The following CTTNBP2 variants were observed in gnomAD, a reference collection of about 807,000 sequenced individuals.
CTTNBP2 encodes the protein cortactin binding protein 2.
CTTNBP2 carries 108 observed loss-of-function variants against 156.9 expected under a neutral mutation model. The observed-to-expected ratio is 0.69, with a 90% CI of 0.59 to 0.81. The LOEUF is 0.81. Ranked by LOEUF, CTTNBP2 falls within the 30% of genes least tolerant of loss-of-function variation. The probability of loss-of-function intolerance (pLI) is 0.00; values close to 1 mark genes in which losing one functional copy is unlikely to be tolerated. For synonymous variants in CTTNBP2, 767 were observed against 751.8 expected, an observed-to-expected ratio of 1.02 and a Z score of -0.33; for missense variants, 1,924 against 2,035.4, an observed-to-expected ratio of 0.95 and a Z score of 1.05.
In CTTNBP2 at chr7:117,821,325, G is replaced by T. The variant is rs571026718; in HGVS notation, c.190-10336C>A. On this transcript the variant is annotated intron_variant, in intron 2 of 22. Transcript: ENST00000160373. Reference sequence around the variant, plus strand: ...TGCATCCCTCAATTATGTTGGCTGTGTGGTTTTTTTTTTGTTGTTGTTTTT... The same window carrying T: ...TGCATCCCTCAATTATGTTGGCTGTTTGGTTTTTTTTTTGTTGTTGTTTTT... 1.5e-4 allele frequency among the ~76,000 whole-genome samples: 22 copies of T among 150,738 alleles called. No individual in the cohort carries two copies. The East Asian group carries it at 3.1e-3, about 21-fold the overall frequency.
At chr7:117,796,549 G>T (rs1309704478) in intron 3 of CTTNBP2, among the ~76,000 whole-genome samples, 1 of 152,168 alleles carries the variant, frequency 6.6e-6, no homozygotes, top group Non-Finnish European at 1.5e-5. Context: ...TGTGACCTTT[G>T]TAAGTTCTCT....
intron 14 of CTTNBP2, among the ~76,000 whole-genome samples, chr7:117,736,117 C>G (rs1201423992): frequency 6.6e-6 from 1 of 152,100 alleles, no homozygotes; most frequent in Admixed American, 6.5e-5. Flanking sequence ...GTTAAAAGCC[C>G]TTAAATGACC....
intron 3 of CTTNBP2, among the ~76,000 whole-genome samples, chr7:117,798,784 T>C (rs1584442576): frequency 6.6e-6 from 1 of 152,006 alleles, no homozygotes; most frequent in East Asian, 1.9e-4. Context: ...CCAAAAATTG[T>C]ATCTAAAAGA....
chr7:117,777,414 C>G (rs971940391), intron 8 of CTTNBP2, 97 bp downstream of exon 8: 7 of 1,219,958 alleles, frequency 5.7e-6, no homozygotes, highest in Non-Finnish European at 8.1e-6. Context: ...CACTCAGTCT[C>G]CAATTATTCA....
intron 2 of CTTNBP2, among the ~76,000 whole-genome samples, chr7:117,821,820 G>A (rs1315158866): frequency 6.6e-6 from 1 of 152,068 alleles, no homozygotes; most frequent in African/African-American, 2.4e-5. Flanking sequence ...TCGATCTCCT[G>A]ACCTTGTGAT....
At position 117,810,755 on chromosome 7, in the gene CTTNBP2, G is replaced by A. The variant is rs776792493; in HGVS notation, c.414+10C>T. On this transcript the variant is annotated intron_variant, in intron 3 of 22. Transcript: ENST00000160373. ...TTGTGGGGAAAATGACCATTTGAAC[G>A]CCTCAATACCTTCTTTTGTCTGCTC... 2.5e-5 allele frequency: 40 copies of A among 1,608,582 alleles called. No homozygotes were observed. Among genetic ancestry groups the A allele is most frequent in the Admixed American group, 3.3e-5 (2 of 59,982 alleles).
At chr7:117,859,252 T>C (rs1162023174) in intron 2 of CTTNBP2, among the ~76,000 whole-genome samples, 1 of 152,202 alleles carries the variant, frequency 6.6e-6, no homozygotes, top group Admixed American at 6.5e-5. Flanking sequence ...AGGCTCCCTG[T>C]AATTCTAACA....
At chr7:117,778,697 A>G (rs1798243564) in intron 7 of CTTNBP2, among the ~76,000 whole-genome samples, 1 of 152,180 alleles carries the variant, frequency 6.6e-6, no homozygotes, top group African/African-American at 2.4e-5. Context: ...TCTAGGTTCT[A>G]TCTACAGTCT....
rs1189820580 is a variant in CTTNBP2, at chr7:117,780,445, G to A, written c.2519C>T (p.Thr840Ile). ...LEAGTNRSVK[T>I]TDGWTPVHAA... Reference sequence around the variant, plus strand: ...AAAAAACAGACTGCTACTCACTGTGGTTTTTACACTTCGATTGGTTCCAGC... The same window carrying A: ...AAAAAACAGACTGCTACTCACTGTGATTTTTACACTTCGATTGGTTCCAGC... Residue 840 changes from threonine (T) to isoleucine (I), a missense_variant, in exon 7 of 23, where the codon ACC (threonine) becomes ATC (isoleucine). Transcript: ENST00000160373. The A allele has an allele frequency of 6.4e-7, 1 of 1,562,484 alleles. No homozygotes were observed. The highest frequency in any genetic ancestry group is 1.2e-5 in the South Asian group (1 of 81,280).
intron 4 of CTTNBP2, among the ~76,000 whole-genome samples, chr7:117,787,235 T>C (rs1798749224): frequency 6.6e-6 from 1 of 152,208 alleles, no homozygotes; most frequent in Non-Finnish European, 1.5e-5. Flanking sequence ...CCGGTATTCA[T>C]ACAGCTACTC....
chr7:117,868,523 T>C (rs1354736347), intron 1 of CTTNBP2, among the ~76,000 whole-genome samples: 1 of 152,232 alleles, frequency 6.6e-6, no homozygotes, highest in East Asian at 1.9e-4. Context: ...GATTTCTATA[T>C]GGAAGGCATC....
At chr7:117,768,115 A>ACC (rs746417122) in intron 8 of CTTNBP2, among the ~76,000 whole-genome samples, 21 of 140,808 alleles carry the variant, frequency 1.5e-4, no homozygotes, top group African/African-American at 4.5e-4. Context: ...ACACACACAC[A>ACC]CCCACTTGGA....
intron 9 of CTTNBP2, among the ~76,000 whole-genome samples, chr7:117,765,920 G>A (rs569434065): frequency 7.9e-5 from 12 of 152,194 alleles, no homozygotes; most frequent in African/African-American, 2.7e-4. Flanking sequence ...CATCAATTGC[G>A]CTGTCTCATC....
intron 2 of CTTNBP2, among the ~76,000 whole-genome samples, chr7:117,824,420 T>C (rs1801159168): frequency 6.6e-6 from 1 of 152,218 alleles, no homozygotes; most frequent in African/African-American, 2.4e-5. Flanking sequence ...TCATTTCTAC[T>C]TTATCACTTT....
chr7:117,755,729 T>C (rs1290244959), intron 12 of CTTNBP2, among the ~76,000 whole-genome samples: 3 of 152,278 alleles, frequency 2.0e-5, no homozygotes, highest in Non-Finnish European at 2.9e-5. Context: ...TGCTACTTTC[T>C]TTTAATGATC....
rs1189624336 is a variant in CTTNBP2, at chr7:117,784,445, G to C, written c.2078C>G (p.Pro693Arg). Residue 693 changes from proline (P) to arginine (R), a missense_variant, in exon 5 of 23, where the codon CCC becomes CGC. Physicochemically the swap from Pro to Arg is moderately radical, Grantham distance 103. Coordinates refer to ENST00000160373, the MANE Select transcript of CTTNBP2 (RefSeq NM_033427.3). Reference protein sequence around the residue: ...SLLVTASGWSPSLTPLLMSGG... With the variant: ...SLLVTASGWSRSLTPLLMSGG... ...ACTCATTAGCAAAGGGGTTAGGGAG[G>C]GTGACCAGCCTGTAGGTTAAAGTGA... 3.8e-6 allele frequency: 6 copies of C among 1,591,516 alleles called. No homozygotes were observed. The highest frequency in any genetic ancestry group is 4.5e-5 in the East Asian group (2 of 44,624).
chr7:117,836,208 G>A (rs1289822117), intron 2 of CTTNBP2, among the ~76,000 whole-genome samples: 1 of 152,136 alleles, frequency 6.6e-6, no homozygotes, highest in East Asian at 1.9e-4. Context: ...TTAGTAAATT[G>A]AGAACTGTTG....
chr7:117,739,710 C>A (rs1795893915), intron 14 of CTTNBP2, among the ~76,000 whole-genome samples: 1 of 152,184 alleles, frequency 6.6e-6, no homozygotes, highest in African/African-American at 2.4e-5. Context: ...GGACAGAAAA[C>A]AACCCCTCTT....
At chr7:117,873,107 G>A (rs1197886911) in intron 1 of CTTNBP2, among the ~76,000 whole-genome samples, 8 of 152,190 alleles carry the variant, frequency 5.3e-5, no homozygotes, top group Non-Finnish European at 1.2e-4. Context: ...TTCCCGTGGG[G>A]CGCGGAAGGG....
Sources: allele counts gnomAD v4.1 joint callset (sites outside exome capture counted in the v4.1 genomes callset), GRCh38; gene constraint gnomAD v4.1.1; transcripts MANE v1.5; gene names NCBI Gene and HGNC (gene_info 2026-07-23, HGNC 2026-07-21).